Variants in CDKAL1 observed in about 807,000 individuals in gnomAD.
CDKAL1 encodes the protein threonylcarbamoyladenosine tRNA methylthiotransferase.
A neutral mutation model predicts 68.2 loss-of-function variants in CDKAL1; 32 were observed. That is an observed-to-expected ratio of 0.47 (90% CI 0.35 to 0.63). The LOEUF (loss-of-function observed/expected upper bound fraction) is 0.63, where lower values mean the gene tolerates loss of function less well. Ranked by LOEUF, CDKAL1 falls within the 30% of genes least tolerant of loss-of-function variation. The probability of loss-of-function intolerance (pLI) is 0.00; values close to 1 mark genes in which losing one functional copy is unlikely to be tolerated. For synonymous variants in CDKAL1, 234 were observed against 244.3 expected (o/e 0.96, Z 0.39); for missense variants, 606 against 696.7 (o/e 0.87, Z 1.47).
chr6:20,921,205 C>T (rs1278340563), intron 9 of CDKAL1, among the ~76,000 whole-genome samples: 6 of 152,024 alleles, frequency 3.9e-5, no homozygotes, highest in Admixed American at 6.6e-5. Flanking sequence ...CCGAGGTGGG[C>T]GGATCACGAG....
chr6:20,979,006 CA>C (rs1765977501), intron 10 of CDKAL1, among the ~76,000 whole-genome samples: 1 of 152,078 alleles, frequency 6.6e-6, no homozygotes, highest in Non-Finnish European at 1.5e-5. Flanking sequence ...ATTAGTCTTT[CA>C]TAATTGCAAA....
At chr6:20,646,904 C>T (rs764439001) in intron 4 of CDKAL1, among the ~76,000 whole-genome samples, 30 of 152,042 alleles carry the variant, frequency 2.0e-4, no homozygotes, top group Non-Finnish European at 4.1e-4. Flanking sequence ...CCCCCACGCC[C>T]GGCTAATTTT....
chr6:20,873,211 G>A (rs1760315527), intron 9 of CDKAL1, among the ~76,000 whole-genome samples: 1 of 152,166 alleles, frequency 6.6e-6, no homozygotes, highest in African/African-American at 2.4e-5. Flanking sequence ...TGATGTGGCA[G>A]TTAGGAACTT....
At chr6:20,737,605 GA>G (rs1462102187) in intron 5 of CDKAL1, among the ~76,000 whole-genome samples, 2 of 144,414 alleles carry the variant, frequency 1.4e-5, no homozygotes, top group African/African-American at 4.9e-5. Context: ...AAAATGGAAA[GA>G]TTTTTTTGTT....
intron 7 of CDKAL1, among the ~76,000 whole-genome samples, chr6:20,775,076 G>T (rs1334109051): frequency 6.6e-6 from 1 of 152,060 alleles, no homozygotes; most frequent in African/African-American, 2.4e-5. Context: ...TAACATTTTT[G>T]AGTATGTCTC....
At chr6:20,842,276 A>G (rs968667691) in intron 8 of CDKAL1, among the ~76,000 whole-genome samples, 1 of 152,130 alleles carries the variant, frequency 6.6e-6, no homozygotes, top group African/African-American at 2.4e-5. Flanking sequence ...ATTATAACAA[A>G]TCTCTTCTTT....
Position 20,739,556 on chromosome 6 carries a change from G to A in CDKAL1, c.409G>A (p.Gly137Arg). 2 of 1,613,218 alleles carry A rather than the reference G, an allele frequency of 1.2e-6. No individual in the cohort carries two copies. Among genetic ancestry groups the A allele is most frequent in the Non-Finnish European group, 1.7e-6 (2 of 1,179,418 alleles). The part of the protein sequence containing the change: ...QEENKKIVLA[G>R]CVPQAQPRQD... Reference sequence around the variant, plus strand: ...GGAGAACAAGAAAATCGTACTGGCTGGATGCGTTCCTCAAGCCCAGCCTCG... The same window carrying A: ...GGAGAACAAGAAAATCGTACTGGCTAGATGCGTTCCTCAAGCCCAGCCTCG... The change falls in exon 6 of 16, where the codon GGA becomes AGA. Residue 137 changes from glycine to arginine, a missense_variant. Physicochemically the swap from Gly to Arg is moderately radical, Grantham distance 125 (BLOSUM62 -2). Transcript: ENST00000274695.
At chr6:21,149,278 T>C (rs891050884) in intron 13 of CDKAL1, among the ~76,000 whole-genome samples, 7 of 152,186 alleles carry the variant, frequency 4.6e-5, no homozygotes, top group African/African-American at 1.7e-4. Flanking sequence ...TAGCTGGGAT[T>C]ACAGGCATGC....
intron 11 of CDKAL1, among the ~76,000 whole-genome samples, chr6:21,058,558 A>G (rs1322924903): frequency 6.6e-6 from 1 of 152,070 alleles, no homozygotes; most frequent in Admixed American, 6.6e-5. Flanking sequence ...TGTCATCATG[A>G]CTCTAACTAG....
intron 7 of CDKAL1, among the ~76,000 whole-genome samples, chr6:20,760,171 G>A (rs1381884548): frequency 2.0e-5 from 3 of 151,792 alleles, no homozygotes; most frequent in Non-Finnish European, 2.9e-5. Context: ...ATAGAGATGA[G>A]ATTTTGCCAT....
At chr6:20,889,642 C>T (rs942285577) in intron 9 of CDKAL1, among the ~76,000 whole-genome samples, 20 of 152,238 alleles carry the variant, frequency 1.3e-4, no homozygotes, top group African/African-American at 4.8e-4. Flanking sequence ...TTATTTTTGT[C>T]AGGTTTGTCA....
At chr6:20,856,844 C>T (rs927920775) in intron 9 of CDKAL1, among the ~76,000 whole-genome samples, 2 of 152,158 alleles carry the variant, frequency 1.3e-5, no homozygotes, top group African/African-American at 2.4e-5. Context: ...TTTGTAAACC[C>T]GACCTTTGTG....
intron 13 of CDKAL1, among the ~76,000 whole-genome samples, chr6:21,153,777 G>C (rs1292251806): frequency 1.3e-5 from 2 of 152,178 alleles, no homozygotes; most frequent in Non-Finnish European, 2.9e-5. Flanking sequence ...GTTTTAAGTG[G>C]TTTGCATTTT....
chr6:20,991,852 T>TA (rs550170759), intron 10 of CDKAL1, among the ~76,000 whole-genome samples: 15,691 of 141,452 alleles, frequency 0.11, 941 homozygotes, highest in Middle Eastern at 0.22. Flanking sequence ...CCTGTCTCTT[T>TA]AAAAAAAAAA....
chr6:20,890,044 G>T (rs558629271), intron 9 of CDKAL1, among the ~76,000 whole-genome samples: 5 of 151,922 alleles, frequency 3.3e-5, no homozygotes, highest in African/African-American at 1.2e-4. Flanking sequence ...ATGAGCTACC[G>T]TGCCCGGGCT....
intron 7 of CDKAL1, among the ~76,000 whole-genome samples, chr6:20,766,171 C>T (rs1271060878): frequency 1.3e-5 from 2 of 152,014 alleles, no homozygotes; most frequent in East Asian, 3.9e-4. Context: ...GTGTATTTAT[C>T]GCTTATATTT....
chr6:20,712,666 A>G (rs928024976), intron 5 of CDKAL1, among the ~76,000 whole-genome samples: 2 of 151,226 alleles, frequency 1.3e-5, no homozygotes, highest in South Asian at 2.1e-4. Flanking sequence ...TTTTTTTGAG[A>G]TGGAGTCTCA....
intron 4 of CDKAL1, among the ~76,000 whole-genome samples, chr6:20,631,199 A>G (rs1027972379): frequency 1.3e-5 from 2 of 152,112 alleles, no homozygotes; most frequent in Non-Finnish European, 2.9e-5. Context: ...CACCTTCTAG[A>G]TGATTTTTAC....
intron 6 of CDKAL1, among the ~76,000 whole-genome samples, chr6:20,747,218 C>A (rs1581497732): frequency 6.6e-6 from 1 of 152,136 alleles, no homozygotes; most frequent in African/African-American, 2.4e-5. Context: ...AAATATACCA[C>A]AATTATTTTA....
Sources: allele counts gnomAD v4.1 joint callset (sites outside exome capture counted in the v4.1 genomes callset), GRCh38; gene constraint gnomAD v4.1.1; transcripts MANE v1.5; gene names NCBI Gene and HGNC (gene_info 2026-07-23, HGNC 2026-07-21).